The following ERI1 variants were observed in gnomAD, a reference collection of about 807,000 sequenced individuals.
The protein encoded by ERI1 is exoribonuclease 1.
In ERI1, 39 loss-of-function variants were observed where a neutral mutation model predicts 39.7. The observed-to-expected ratio is 0.98, with a 90% confidence interval of 0.76 to 1.28. The LOEUF (loss-of-function observed/expected upper bound fraction) is 1.28, where lower values mean the gene tolerates loss of function less well. Ranked by LOEUF, ERI1 falls within the 50% of genes most tolerant of loss-of-function variation. ERI1 has a pLI of 0.00. For synonymous variants in ERI1, 204 were observed against 149.6 expected (o/e 1.36, Z -2.65); for missense variants, 581 against 416.9 (o/e 1.39, Z -3.43).
chr8:9,041,394 A>T (rs982642742), intron 3 of ERI1, among the ~76,000 whole-genome samples: 1 of 152,194 alleles, frequency 6.6e-6, no homozygotes, highest in Non-Finnish European at 1.5e-5. Context: ...CGCTCTTCTC[A>T]TCGGCACATG....
intron 3 of ERI1, among the ~76,000 whole-genome samples, chr8:9,087,571 ATTTTTAT>A (rs1314974722): frequency 6.6e-6 from 1 of 151,548 alleles, no homozygotes; most frequent in African/African-American, 2.4e-5. Context: ...TTTTATTTTG[ATTTTTAT>A]TTTTTATTTT....
intron 1 of ERI1, among the ~76,000 whole-genome samples, chr8:9,004,561 A>T (rs1174288897): frequency 7.8e-6 from 1 of 128,490 alleles, no homozygotes; most frequent in South Asian, 2.5e-4. Flanking sequence ...GCTACTGGGG[A>T]GGCTCAGTGG....
chr8:9,044,820 T>C (rs542380500), intron 3 of ERI1, among the ~76,000 whole-genome samples: 1 of 152,262 alleles, frequency 6.6e-6, no homozygotes, highest in Admixed American at 6.5e-5. Context: ...ATTCCAAACC[T>C]GCCCTTGACT....
Position 9,051,552 on chromosome 8 carries a change from G to T in ERI1, n.299+31088G>T, listed in dbSNP as rs144083046. ...TGCACCTGTAGTTCCAGCTACTTGG[G>T]AGGCTAAGGTGGAAGGATCACTTGA... is the stretch of plus-strand genomic sequence containing the variant. On this transcript the variant is annotated intron_variant and non_coding_transcript_variant, in intron 3 of 3. Coordinates refer to the ERI1 transcript ENST00000518663. 7.9e-4 allele frequency among the ~76,000 whole-genome samples: 120 copies of T among 152,080 alleles called. 1 individual carries two copies. The highest frequency in any genetic ancestry group is 2.8e-3 in the African/African-American group (117 of 41,432).
intron 3 of ERI1, among the ~76,000 whole-genome samples, chr8:9,014,992 C>G: frequency 6.6e-6 from 1 of 152,078 alleles, no homozygotes; most frequent in East Asian, 1.9e-4. Flanking sequence ...TGCATGCCAC[C>G]TCGCCCAGCT....
chr8:9,074,082 C>G (rs1183389519), intron 3 of ERI1, among the ~76,000 whole-genome samples: 2 of 150,998 alleles, frequency 1.3e-5, no homozygotes, highest in African/African-American at 2.4e-5. Context: ...GCCACCGCAC[C>G]CAGCCATACT....
intron 3 of ERI1, among the ~76,000 whole-genome samples, chr8:9,068,858 C>A (rs1266099808): frequency 6.6e-6 from 1 of 151,998 alleles, no homozygotes; most frequent in African/African-American, 2.4e-5. Flanking sequence ...TTTCTGCCAC[C>A]CAGGCTGGAG....
chr8:9,057,247 T>C (rs2953805), intron 3 of ERI1, among the ~76,000 whole-genome samples: 67,586 of 152,056 alleles, frequency 0.44, 16,567 homozygotes, highest in East Asian at 0.74. Context: ...TGGGTTCAAG[T>C]GATCCTCCTG....
chr8:9,093,422 A>G (rs972660568), intron 3 of ERI1, among the ~76,000 whole-genome samples: 4 of 151,716 alleles, frequency 2.6e-5, no homozygotes, highest in Non-Finnish European at 5.9e-5. Context: ...TTTTGGGGGC[A>G]TGCAATTCAA....
chr8:9,062,851 G>A (rs1426450840), intron 3 of ERI1: 2 of 151,996 alleles, frequency 1.3e-5, no homozygotes, highest in South Asian at 2.1e-4. Flanking sequence ...GAGGAATCCC[G>A]GGCTGTGGGC....
chr8:9,054,700 A>G (rs1798454084), intron 3 of ERI1, among the ~76,000 whole-genome samples: 1 of 152,264 alleles, frequency 6.6e-6, no homozygotes, highest in African/African-American at 2.4e-5. Context: ...CAAGGGGGGC[A>G]GATCACTTGA....
rs141237678 is a variant in ERI1, at chr8:9,020,358, A to T, written c.701A>T (p.Asp234Val). The T allele has an allele frequency of 2.5e-6, 4 of 1,574,712 alleles. No homozygotes were observed. Among genetic ancestry groups the T allele is most frequent in the East Asian group, 2.3e-5 (1 of 43,556 alleles). ...CCTTTTTTAATTTATAGTTCTTGGGATATGAGTAAGTTCTTGAACATTCAG... is the reference window on the plus strand; with the variant it reads ...CCTTTTTTAATTTATAGTTCTTGGGTTATGAGTAAGTTCTTGAACATTCAG... ...KYSLLTDGSW[D>V]MSKFLNIQCQ... Residue 234 changes from aspartate to valine, a missense_variant, in exon 6 of 7, where the codon GAT becomes GTT. Transcript: ENST00000250263.
chr8:9,012,836 A>G (rs1014788778), intron 3 of ERI1, among the ~76,000 whole-genome samples: 7 of 152,212 alleles, frequency 4.6e-5, no homozygotes, highest in African/African-American at 1.7e-4. Flanking sequence ...TTTTGGGAAA[A>G]TTCTTCACTT....
chr8:9,055,357 G>C, intron 3 of ERI1, among the ~76,000 whole-genome samples: 1 of 152,212 alleles, frequency 6.6e-6, no homozygotes, highest in East Asian at 1.9e-4. Context: ...AATATGTAAG[G>C]AGAGAGCTTT....
chr8:9,021,849 T>G (rs1419157366), intron 6 of ERI1, among the ~76,000 whole-genome samples: 1 of 151,774 alleles, frequency 6.6e-6, no homozygotes, highest in African/African-American at 2.4e-5. Flanking sequence ...TTCACTTTAT[T>G]GCTATTAATT....
intron 3 of ERI1, among the ~76,000 whole-genome samples, chr8:9,050,039 C>T (rs1176921955): frequency 1.3e-5 from 2 of 152,124 alleles, no homozygotes; most frequent in Non-Finnish European, 2.9e-5. Context: ...GTAAATTAAC[C>T]TGTTTAACCT....
At chr8:9,044,459 A>C (rs1458004961) in intron 3 of ERI1, among the ~76,000 whole-genome samples, 1 of 152,124 alleles carries the variant, frequency 6.6e-6, no homozygotes, top group Non-Finnish European at 1.5e-5. Flanking sequence ...GAGAGTTCAC[A>C]CTGGCCCCCA....
At chr8:9,040,018 T>C (rs576484029) in intron 3 of ERI1, among the ~76,000 whole-genome samples, 1 of 152,374 alleles carries the variant, frequency 6.6e-6, no homozygotes, top group East Asian at 1.9e-4. Context: ...TCTTTTTGTT[T>C]TGACTGTCCA....
chr8:9,015,295 T>C (rs1362251789), intron 3 of ERI1, among the ~76,000 whole-genome samples: 1 of 152,248 alleles, frequency 6.6e-6, no homozygotes. Flanking sequence ...GAATATTTTT[T>C]GTCATTTTCT....
Sources: allele counts gnomAD v4.1 joint callset (sites outside exome capture counted in the v4.1 genomes callset), GRCh38; gene constraint gnomAD v4.1.1; transcripts MANE v1.5; gene names NCBI Gene and HGNC (gene_info 2026-07-23, HGNC 2026-07-21).